TYW1B: variants seen among roughly 807,000 people sequenced by gnomAD.
The protein encoded by TYW1B is tRNA-yW synthesizing protein 1 homolog B.
Under a neutral mutation model 86.9 loss-of-function variants are expected in TYW1B, and 73 were observed. That is an observed-to-expected ratio of 0.84 (90% CI 0.70 to 1.02). TYW1B has a LOEUF of 1.02. TYW1B is among the 50% of genes least tolerant of loss of function. The probability of loss-of-function intolerance (pLI) is 0.00; values close to 1 mark genes in which losing one functional copy is unlikely to be tolerated. For missense variants in TYW1B, 637 were observed against 827.4 expected (o/e 0.77, Z 2.82); for synonymous variants, 248 against 292.8 (o/e 0.85, Z 1.56).
At chr7:72,786,070 C>A (rs1296665637) in intron 6 of TYW1B, among the ~76,000 whole-genome samples, 3 of 151,418 alleles carry the variant, frequency 2.0e-5, no homozygotes, top group Non-Finnish European at 4.4e-5. Context: ...TATTGTGCCA[C>A]TGCACTCCAG....
chr7:72,735,644 C>A (rs1787184399), intron 8 of TYW1B, among the ~76,000 whole-genome samples: 2 of 150,674 alleles, frequency 1.3e-5, no homozygotes, highest in Non-Finnish European at 2.9e-5. Context: ...CCAAGGGAGG[C>A]AGATCACCTG....
chr7:72,764,341 G>A (rs1189792790), intron 7 of TYW1B, among the ~76,000 whole-genome samples: 2 of 152,152 alleles, frequency 1.3e-5, no homozygotes, highest in Non-Finnish European at 2.9e-5. Context: ...GGAGTGCAGT[G>A]GGGCGATCTC....
At chr7:72,590,805 G>A (rs1354758918) in intron 13 of TYW1B, among the ~76,000 whole-genome samples, 1 of 152,164 alleles carries the variant, frequency 6.6e-6, no homozygotes, top group Non-Finnish European at 1.5e-5. Flanking sequence ...AAGAAACAGT[G>A]AAGTATGGTC....
At chr7:72,730,154 A>C (rs1787077326) in intron 8 of TYW1B, among the ~76,000 whole-genome samples, 1 of 152,180 alleles carries the variant, frequency 6.6e-6, no homozygotes, top group Non-Finnish European at 1.5e-5. Context: ...ATACCAATGT[A>C]GTAAAAAACA....
chr7:72,611,210 T>C (rs1334993447), intron 13 of TYW1B, among the ~76,000 whole-genome samples: 3 of 152,208 alleles, frequency 2.0e-5, no homozygotes, highest in African/African-American at 2.4e-5. Flanking sequence ...AATGCACCCA[T>C]TGAGCTCCAT....
chr7:72,758,101 T>A (rs1306019972), intron 7 of TYW1B, among the ~76,000 whole-genome samples: 1 of 152,100 alleles, frequency 6.6e-6, no homozygotes, highest in Non-Finnish European at 1.5e-5. Context: ...GCGCCTGTAA[T>A]CCCAGTTACT....
intron 11 of TYW1B, among the ~76,000 whole-genome samples, chr7:72,656,849 G>A (rs749507045): frequency 1.3e-4 from 20 of 152,032 alleles, no homozygotes; most frequent in Non-Finnish European, 7.4e-5. Context: ...TACACAACCA[G>A]GTCTTGCAAG....
chr7:72,728,302 TTTTATTTA>T (rs1204788775), intron 9 of TYW1B, among the ~76,000 whole-genome samples: 1 of 152,082 alleles, frequency 6.6e-6, no homozygotes, highest in Non-Finnish European at 1.5e-5. Flanking sequence ...TTGCTAAACT[TTTTATTTA>T]TTTATTTATT....
chr7:72,577,612 C>T (rs781875941), intron 13 of TYW1B, among the ~76,000 whole-genome samples: 11 of 152,208 alleles, frequency 7.2e-5, no homozygotes, highest in Non-Finnish European at 1.5e-4. Context: ...CTTCTGCCGC[C>T]GGTGGCGTGA....
intron 13 of TYW1B, among the ~76,000 whole-genome samples, chr7:72,600,097 T>C (rs200889921): frequency 8.2e-4 from 125 of 152,032 alleles, no homozygotes; most frequent in East Asian, 7.7e-4. Flanking sequence ...GTTAGAAGAG[T>C]GACACTACTC....
chr7:72,632,361 ATATACGCATATATAT>A (rs1812530275), intron 11 of TYW1B, among the ~76,000 whole-genome samples: 2 of 120,496 alleles, frequency 1.7e-5, no homozygotes, highest in African/African-American at 7.2e-5. Flanking sequence ...TATATTATAT[ATATACGCATATATAT>A]TATATATATA....
intron 9 of TYW1B, among the ~76,000 whole-genome samples, chr7:72,725,277 G>A (rs1786977259): frequency 6.6e-6 from 1 of 152,104 alleles, no homozygotes; most frequent in African/African-American, 2.4e-5. Context: ...GGACATCCCA[G>A]CAGAAAGAAA....
intron 11 of TYW1B, among the ~76,000 whole-genome samples, chr7:72,694,246 C>T (rs2129570267): frequency 1.3e-5 from 2 of 152,278 alleles, no homozygotes; most frequent in East Asian, 1.9e-4. Context: ...TGCAGGCAGG[C>T]GTGAACCACC....
chr7:72,714,928 A>G (rs1444190559), intron 9 of TYW1B, among the ~76,000 whole-genome samples: 5 of 152,318 alleles, frequency 3.3e-5, no homozygotes, highest in South Asian at 4.1e-4. Flanking sequence ...AAAAAAAACC[A>G]AAAATACTGC....
At chr7:72,720,298 C>A (rs1437424827) in intron 9 of TYW1B, among the ~76,000 whole-genome samples, 1 of 152,112 alleles carries the variant, frequency 6.6e-6, no homozygotes, top group East Asian at 1.9e-4. Context: ...CTGAGTCCTA[C>A]AACACTCACA....
At chr7:72,707,035 C>G (rs1462574320) in intron 10 of TYW1B, among the ~76,000 whole-genome samples, 1 of 152,190 alleles carries the variant, frequency 6.6e-6, no homozygotes, top group Non-Finnish European at 1.5e-5. Context: ...CAAGGTTATA[C>G]TCCTTGACAA....
Position 72,807,053 on chromosome 7 carries a change from AC to A in TYW1B, c.723+12del. On this transcript the variant is annotated intron_variant, in intron 5 of 13. Coordinates refer to ENST00000620995, the MANE Select transcript of TYW1B (RefSeq NM_001145440.3). Reference sequence around the variant, plus strand: ...GGGGAAAGCATCAAGAGATGAACACACAGGCGGTATACCTTGGTGTCTCTGT... The same window carrying A: ...GGGGAAAGCATCAAGAGATGAACACAAGGCGGTATACCTTGGTGTCTCTGT... The A allele has an allele frequency of 6.2e-7, 1 of 1,609,378 alleles. No homozygotes were observed. The highest frequency in any genetic ancestry group is 8.5e-7 in the Non-Finnish European group (1 of 1,176,308).
intron 11 of TYW1B, among the ~76,000 whole-genome samples, chr7:72,652,028 C>G (rs1554442872): frequency 6.6e-6 from 1 of 152,066 alleles, no homozygotes; most frequent in Non-Finnish European, 1.5e-5. Context: ...AGAGATTCGC[C>G]CACCTCAGCC....
intron 11 of TYW1B, among the ~76,000 whole-genome samples, chr7:72,666,824 G>A (rs1425360079): frequency 1.3e-5 from 2 of 151,860 alleles, no homozygotes; most frequent in African/African-American, 4.8e-5. Context: ...GAGGTCAGGA[G>A]ATCAAGACCA....
Sources: allele counts gnomAD v4.1 joint callset (sites outside exome capture counted in the v4.1 genomes callset), GRCh38; gene constraint gnomAD v4.1.1; transcripts MANE v1.5; gene names NCBI Gene and HGNC (gene_info 2026-07-23, HGNC 2026-07-21).